The following CA10 variants were observed in gnomAD, a reference collection of about 807,000 sequenced individuals.
CA10 encodes the protein carbonic anhydrase-related protein 10.
CA10 carries 14 observed loss-of-function variants against 44.2 expected under a neutral mutation model. The ratio of observed to expected loss-of-function variants is 0.32; its 90% CI spans 0.21 to 0.50. The LOEUF (loss-of-function observed/expected upper bound fraction) is 0.50. CA10 is among the 20% of genes least tolerant of loss of function. CA10 has a pLI of 0.99. For missense variants in CA10, 350 were observed against 409.7 expected (o/e 0.85, Z 1.26); for synonymous variants, 159 against 141.6 (o/e 1.12, Z -0.87).
intron 3 of CA10, among the ~76,000 whole-genome samples, chr17:51,824,685 A>G (rs1275396543): frequency 6.6e-6 from 1 of 152,168 alleles, no homozygotes; most frequent in Non-Finnish European, 1.5e-5. Flanking sequence ...CTCTAATCAT[A>G]GTTATGCGTT....
chr17:51,751,812 T>C (rs1358948375), intron 3 of CA10, among the ~76,000 whole-genome samples: 1 of 152,214 alleles, frequency 6.6e-6, no homozygotes, highest in Non-Finnish European at 1.5e-5. Flanking sequence ...ATGTGCCTTC[T>C]AGTTCTTCGA....
chr17:51,774,174 C>A (rs1200646712), intron 3 of CA10, among the ~76,000 whole-genome samples: 2 of 152,160 alleles, frequency 1.3e-5, no homozygotes, highest in African/African-American at 4.8e-5. Flanking sequence ...ACTTAAAATA[C>A]AAAAGGTGCA....
chr17:51,701,604 C>T (rs982819367), intron 4 of CA10, among the ~76,000 whole-genome samples: 8 of 152,252 alleles, frequency 5.3e-5, no homozygotes, highest in African/African-American at 1.7e-4. Context: ...GCTTCCTTCC[C>T]TCAAGTTCTT....
chr17:51,883,038 A>G (rs968485149), intron 3 of CA10, among the ~76,000 whole-genome samples: 23 of 152,152 alleles, frequency 1.5e-4, no homozygotes, highest in African/African-American at 5.1e-4. Context: ...AATTCACACT[A>G]AACTATTAGT....
At chr17:52,060,718 T>C (rs911606883) in intron 2 of CA10, among the ~76,000 whole-genome samples, 3 of 152,198 alleles carry the variant, frequency 2.0e-5, no homozygotes, top group African/African-American at 7.2e-5. Context: ...TTGCCTGTAG[T>C]TCATTTTTTT....
Position 51,705,906 on chromosome 17 carries a change from C to T in CA10, c.465+41727G>A, listed in dbSNP as rs564954440. Among the ~76,000 whole-genome samples, 14 of 152,150 alleles carry T rather than the reference C, an allele frequency of 9.2e-5. No homozygotes were observed. In the East Asian group the frequency reaches 2.3e-3, roughly 25 times the overall value. On this transcript the variant is annotated intron_variant, in intron 4 of 8. Transcript: ENST00000451037. Reference sequence around the variant, plus strand: ...TGTGCAAGGTAGGGGTAGTTTTTTTCAGTCTAGAATATTGGTTAAGTAGTT... The same window carrying T: ...TGTGCAAGGTAGGGGTAGTTTTTTTTAGTCTAGAATATTGGTTAAGTAGTT...
chr17:51,881,036 G>A (rs551608304), intron 3 of CA10, among the ~76,000 whole-genome samples: 20 of 151,928 alleles, frequency 1.3e-4, no homozygotes, highest in African/African-American at 4.3e-4. Flanking sequence ...AGGAGATCGA[G>A]ACCATCCTGG....
At chr17:51,780,511 C>T (rs951330364) in intron 3 of CA10, among the ~76,000 whole-genome samples, 3 of 152,182 alleles carry the variant, frequency 2.0e-5, no homozygotes, top group African/African-American at 7.2e-5. Context: ...GCAAGGACTT[C>T]ATTTTCTTTC....
chr17:51,947,325 A>G (rs1598133460), intron 2 of CA10, among the ~76,000 whole-genome samples: 1 of 151,952 alleles, frequency 6.6e-6, no homozygotes, highest in Non-Finnish European at 1.5e-5. Flanking sequence ...CCAAATGGCT[A>G]CAGTGAATGG....
chr17:51,827,327 A>AAC (rs1265954098), intron 3 of CA10, among the ~76,000 whole-genome samples: 2 of 142,480 alleles, frequency 1.4e-5, no homozygotes, highest in African/African-American at 3.0e-5. Context: ...CTAGGAGAGA[A>AAC]ACACGCACAC....
chr17:52,102,602 G>C (rs1215781639), intron 1 of CA10, among the ~76,000 whole-genome samples: 1 of 152,140 alleles, frequency 6.6e-6, no homozygotes, highest in African/African-American at 2.4e-5. Flanking sequence ...ACAAAACGAG[G>C]CAACTACATA....
chr17:51,707,786 T>C (rs1223743648), intron 4 of CA10, among the ~76,000 whole-genome samples: 1 of 151,936 alleles, frequency 6.6e-6, no homozygotes, highest in Non-Finnish European at 1.5e-5. Context: ...CTACCATTTT[T>C]CTGTTTTGGA....
chr17:51,921,377 G>C (rs1982225086), intron 3 of CA10, among the ~76,000 whole-genome samples: 1 of 152,178 alleles, frequency 6.6e-6, no homozygotes, highest in South Asian at 2.1e-4. Flanking sequence ...TCTGGCCAAA[G>C]TTACTTTCAA....
intron 2 of CA10, among the ~76,000 whole-genome samples, chr17:52,017,226 A>G (rs1316359809): frequency 6.6e-6 from 1 of 152,284 alleles, no homozygotes; most frequent in South Asian, 2.1e-4. Context: ...ATGTGGAAGC[A>G]GCTTTGGGAC....
intron 3 of CA10, among the ~76,000 whole-genome samples, chr17:51,771,500 A>G (rs1905611121): frequency 6.6e-6 from 1 of 152,010 alleles, no homozygotes; most frequent in Non-Finnish European, 1.5e-5. Context: ...CCCATGCCAC[A>G]CCCAGCATTG....
At chr17:51,959,282 CTGTGTGTGTGTGTG>C (rs71149386) in intron 2 of CA10, among the ~76,000 whole-genome samples, 158 of 134,458 alleles carry the variant, frequency 1.2e-3, no homozygotes, top group African/African-American at 2.5e-3. Context: ...CTCTCTCTCT[CTGTGTGTGTGTGTG>C]TGTGTGTGTG....
intron 3 of CA10, among the ~76,000 whole-genome samples, chr17:51,760,578 G>A (rs1417882474): frequency 6.6e-6 from 1 of 152,218 alleles, no homozygotes; most frequent in Non-Finnish European, 1.5e-5. Context: ...GCAGGAAAAG[G>A]AGGGGATGGG....
intron 2 of CA10, among the ~76,000 whole-genome samples, chr17:52,055,391 A>G (rs1465243220): frequency 1.3e-5 from 2 of 151,984 alleles, no homozygotes; most frequent in African/African-American, 4.8e-5. Context: ...TGGAGTTTCC[A>G]AAACTATAAA....
intron 1 of CA10, among the ~76,000 whole-genome samples, chr17:52,132,093 T>C (rs1462569648): frequency 1.3e-5 from 2 of 151,852 alleles, no homozygotes; most frequent in African/African-American, 4.8e-5. Context: ...CACACCAGCA[T>C]AGCACATGTA....
Sources: gnomAD v4.1 joint callset for allele counts (sites outside exome capture counted in the v4.1 genomes callset) on GRCh38, gnomAD v4.1.1 for gene constraint, MANE v1.5 for transcripts, NCBI Gene and HGNC (gene_info 2026-07-23, HGNC 2026-07-21) for gene names.